Variants in WWP1 observed in about 807,000 individuals in gnomAD.
WWP1 encodes the protein WW domain containing E3 ubiquitin protein ligase 1.
Under a neutral mutation model 130.6 loss-of-function variants are expected in WWP1, and 49 were observed. The observed-to-expected ratio is 0.38, with a 90% confidence interval of 0.30 to 0.48. WWP1 has a LOEUF of 0.48. WWP1 is among the 20% of genes least tolerant of loss of function. WWP1 has a pLI of 0.99. For synonymous variants in WWP1, 332 were observed against 367.8 expected (o/e 0.90, Z 1.11); for missense variants, 809 against 1,100.6 (o/e 0.74, Z 3.75).
intron 8 of WWP1, among the ~76,000 whole-genome samples, chr8:86,407,262 C>T (rs936762002): frequency 3.9e-5 from 6 of 152,002 alleles, no homozygotes; most frequent in African/African-American, 7.3e-5. Context: ...CTTCTTTTTT[C>T]GGTTTTATCT....
In WWP1 at chr8:86,452,755, T is replaced by G. The variant is rs964071446; in HGVS notation, c.2394+76T>G. On this transcript the variant is annotated intron_variant, in intron 21 of 24. Coordinates refer to ENST00000517970, the MANE Select transcript of WWP1 (RefSeq NM_007013.4). The stretch of plus-strand genomic sequence containing the variant: ...CTAATTTAGTGCTTTTACAGAACAG[T>G]GTTCACACATTTTAAAATCCTGTAG... 2.0e-6 allele frequency: 3 copies of G among 1,538,308 alleles called. No individual in the cohort carries two copies. In the African/African-American group the frequency reaches 4.2e-5, roughly 21 times the overall value.
intron 9 of WWP1, among the ~76,000 whole-genome samples, 175 bp downstream of exon 9, chr8:86,412,049 A>G (rs932979332): frequency 2.0e-5 from 3 of 152,242 alleles, no homozygotes; most frequent in South Asian, 2.1e-4. Context: ...GAAACTAAGA[A>G]CAATTGCTCA....
intron 3 of WWP1, among the ~76,000 whole-genome samples, chr8:86,377,829 A>G (rs1824758906): frequency 6.6e-6 from 1 of 151,414 alleles, no homozygotes; most frequent in Non-Finnish European, 1.5e-5. Context: ...CATGTTTATA[A>G]TTTTTTTTTA....
chr8:86,394,048 C>G (rs1325239439), intron 5 of WWP1, among the ~76,000 whole-genome samples: 1 of 152,182 alleles, frequency 6.6e-6, no homozygotes. Context: ...TGGATGTGCC[C>G]CTCTTGAGTT....
At chr8:86,460,069 GCTTT>G (rs1184096511) in intron 22 of WWP1, among the ~76,000 whole-genome samples, 2 of 152,144 alleles carry the variant, frequency 1.3e-5, no homozygotes, top group African/African-American at 4.8e-5. Flanking sequence ...TATGTTCCTT[GCTTT>G]CTGTTATACT....
rs200170387 is a variant in WWP1, at chr8:86,423,063, ATTTTT to A, written c.1062-2148_1062-2144del. Among the ~76,000 whole-genome samples, 440 of 140,622 alleles carry A rather than the reference ATTTTT, an allele frequency of 3.1e-3. 1 individual carries two copies. The highest frequency in any genetic ancestry group is 4.0e-3 in the Non-Finnish European group (255 of 64,282). The allele number at this position is 140,622 out of a possible 152,430, so 92.3% of individuals were successfully genotyped here. A position where few individuals can be genotyped will look rare whatever the true frequency, so the allele number is the denominator to read the frequency against. ...TTAATATTAAGTTGAAGGTTTCTTCATTTTTTTTTTTTTTTTGGAAACTGAAAATT... is the reference window on the plus strand; with the variant it reads ...TTAATATTAAGTTGAAGGTTTCTTCATTTTTTTTTTTGGAAACTGAAAATT... On this transcript the variant is annotated intron_variant, in intron 9 of 24. Transcript: ENST00000517970.
At chr8:86,361,780 A>G (rs1823615060) in intron 1 of WWP1, among the ~76,000 whole-genome samples, 1 of 151,870 alleles carries the variant, frequency 6.6e-6, no homozygotes, top group Admixed American at 6.6e-5. Flanking sequence ...TTACCTCCAA[A>G]TAATATTAAG....
At chr8:86,441,830 C>A (rs1204987665) in intron 17 of WWP1, among the ~76,000 whole-genome samples, 2 of 152,146 alleles carry the variant, frequency 1.3e-5, no homozygotes, top group Non-Finnish European at 2.9e-5. Flanking sequence ...CTTGTACTTA[C>A]AGATTACTGT....
chr8:86,412,532 G>A (rs181332957), intron 9 of WWP1, among the ~76,000 whole-genome samples: 2 of 152,212 alleles, frequency 1.3e-5, no homozygotes, highest in Admixed American at 1.3e-4. Context: ...TTGTAAACGT[G>A]TACAGTATAT....
intron 5 of WWP1, among the ~76,000 whole-genome samples, chr8:86,391,962 C>G (rs1390493550): frequency 6.6e-6 from 1 of 152,172 alleles, no homozygotes; most frequent in African/African-American, 2.4e-5. Flanking sequence ...TTAGTAAATG[C>G]TCTAAGAAAG....
At chr8:86,387,512 A>G (rs1825351467) in intron 5 of WWP1, among the ~76,000 whole-genome samples, 1 of 151,176 alleles carries the variant, frequency 6.6e-6, no homozygotes, top group African/African-American at 2.4e-5. Flanking sequence ...TATTTATTTT[A>G]TCATTATTAT....
chr8:86,342,982 G>T, intron 1 of WWP1, 52 bp downstream of exon 1: 1 of 308,054 alleles, frequency 3.2e-6, no homozygotes, highest in East Asian at 5.1e-5. Flanking sequence ...GGGCGGGAGG[G>T]GGCACGGGCC....
intron 16 of WWP1, among the ~76,000 whole-genome samples, chr8:86,436,606 A>G (rs769912397): frequency 1.3e-5 from 2 of 152,246 alleles, no homozygotes; most frequent in African/African-American, 2.4e-5. Flanking sequence ...GCCTTTGCAC[A>G]TAGAGGGTAT....
intron 16 of WWP1, among the ~76,000 whole-genome samples, chr8:86,436,177 TATC>T (rs1383024186): frequency 6.6e-6 from 1 of 152,228 alleles, no homozygotes; most frequent in Non-Finnish European, 1.5e-5. Context: ...CTGAGAGACA[TATC>T]ATGAATTTAG....
intron 24 of WWP1, among the ~76,000 whole-genome samples, chr8:86,465,465 A>G (rs950577801): frequency 6.6e-6 from 1 of 152,168 alleles, no homozygotes; most frequent in Non-Finnish European, 1.5e-5. Context: ...TCTACAAAAA[A>G]AAATACAAAA....
At chr8:86,410,378 G>C (rs187204574) in intron 8 of WWP1, among the ~76,000 whole-genome samples, 1 of 152,106 alleles carries the variant, frequency 6.6e-6, no homozygotes, top group Admixed American at 6.5e-5. Context: ...TTTCCCTTGA[G>C]TTAGTTTAGC....
In WWP1 at chr8:86,461,249, T is replaced by A. The variant is rs767726159; in HGVS notation, c.2525T>A (p.Val842Glu). 12 of 1,614,164 alleles carry A rather than the reference T, an allele frequency of 7.4e-6. No homozygotes were observed. The highest frequency in any genetic ancestry group is 2.2e-5 in the East Asian group (1 of 44,884). The change falls in exon 23 of 25, where the codon GTA becomes GAA. Residue 842 changes from valine to glutamate, a missense_variant. Physicochemically the swap from Val to Glu is moderately radical, Grantham distance 121. This residue lies in a region of WWP1 where 450 missense variants were observed against 674.2 expected (regional missense o/e 0.67). Coordinates refer to ENST00000517970, the MANE Select transcript of WWP1 (RefSeq NM_007013.4). The stretch of plus-strand genomic sequence containing the variant: ...TTTGTGAAAGAGACAGACAATGAAG[T>A]AAGAATGCGACTATTGCAGTTCGTC... ...WQFVKETDNE[V>E]RMRLLQFVTG... is the part of the protein sequence containing the mutation.
intron 5 of WWP1, among the ~76,000 whole-genome samples, chr8:86,396,508 G>T (rs1287573631): frequency 6.6e-6 from 1 of 150,456 alleles, no homozygotes; most frequent in Non-Finnish European, 1.5e-5. Context: ...TGAGGTCTAT[G>T]GTGCTACAAA....
At chr8:86,458,847 C>G (rs1811597096) in intron 22 of WWP1, among the ~76,000 whole-genome samples, 1 of 152,006 alleles carries the variant, frequency 6.6e-6, no homozygotes, top group African/African-American at 2.4e-5. Flanking sequence ...TTAAAATATA[C>G]TTCAACGTGT....
Sources: allele counts gnomAD v4.1 joint callset (sites outside exome capture counted in the v4.1 genomes callset), GRCh38; gene constraint gnomAD v4.1.1; regional missense constraint gnomAD v4.1.1; transcripts MANE v1.5; gene names NCBI Gene and HGNC (gene_info 2026-07-23, HGNC 2026-07-21).